The following SHH variants were observed in gnomAD, a reference collection of about 807,000 sequenced individuals.
SHH encodes sonic hedgehog signaling molecule.
In SHH, 3 loss-of-function variants were observed where a neutral mutation model predicts 16.6. The observed-to-expected ratio is 0.18, with a 90% CI of 0.08 to 0.47. The LOEUF is 0.47. Ranked by LOEUF, SHH falls within the 20% of genes least tolerant of loss-of-function variation. The pLI, the probability that SHH is intolerant of heterozygous loss-of-function variation, is 0.98. For synonymous variants in SHH, 351 were observed against 316.2 expected (o/e 1.11, Z -1.17); for missense variants, 499 against 665.0 (o/e 0.75, Z 2.75).
At chr7:155,805,773 C>T (rs1366139171) in intron 2 of SHH, among the ~76,000 whole-genome samples, 4 of 152,192 alleles carry the variant, frequency 2.6e-5, no homozygotes, top group Admixed American at 6.5e-5. Context: ...GTGGTTGCCC[C>T]TGGGTTTACT....
chr7:155,803,384 C>T lies in SHH; in HGVS notation c.905G>A (p.Arg302Gln), dbSNP rs1302309857. ...GCGCACGCGGCTGGCGAACAGCGCC[C>T]GAGGCCCCAGTGCGCCCCCGGAAGG... ...GPPSGGALGP[R>Q]ALFASRVRPG... The change falls in exon 3 of 3, where the codon CGG becomes CAG. Residue 302 changes from arginine to glutamine, a missense_variant. By Grantham distance (43) the Arg-to-Gln change is conservative (BLOSUM62 1). Coordinates refer to ENST00000297261, the MANE Select transcript of SHH (RefSeq NM_000193.4). 2 of 1,486,196 alleles carry T rather than the reference C, an allele frequency of 1.3e-6. No homozygotes were observed. The highest frequency in any genetic ancestry group is 8.9e-7 in the Non-Finnish European group (1 of 1,128,792). 92.1% of individuals were successfully genotyped at this position (1,486,196 alleles called of 1,614,324 possible). A position where few individuals can be genotyped will look rare whatever the true frequency, so the allele number is the denominator to read the frequency against.
chr7:155,807,378 C>A lies in SHH; in HGVS notation c.301-821G>T, dbSNP rs1029468793. 2.0e-5 allele frequency: 3 copies of A among 151,602 alleles called. No homozygotes were observed. Among genetic ancestry groups the A allele is most frequent in the Non-Finnish European group, 2.9e-5 (2 of 68,100 alleles). The allele number at this position is 151,602 out of a possible 1,614,324, so 9.4% of individuals were successfully genotyped here. On this transcript the variant is annotated intron_variant, in intron 1 of 2. Coordinates refer to ENST00000297261, the MANE Select transcript of SHH (RefSeq NM_000193.4). This position sits in a 1 kb window ranked among gnomAD's most constrained non-coding sequence, Gnocchi z 7.1. ...TGTTCCCTTCCTCCGCTCTTGTGTT[C>A]TTGGCCCCAGCATAGAATGGCGTCC...
rs371175675 is a variant in SHH at position 155,804,564 on chromosome 7, C to A, written c.563-838G>T. ...CTATTTGCTCAGGTGCAACCCCCCCCCACCCCGTGTGCAATTCACAAGCAC... is the reference window on the plus strand; with the variant it reads ...CTATTTGCTCAGGTGCAACCCCCCCACACCCCGTGTGCAATTCACAAGCAC... On this transcript the variant is annotated intron_variant, in intron 2 of 2. Transcript: ENST00000297261. Among the ~76,000 whole-genome samples, 77 of 151,896 alleles carry A rather than the reference C, an allele frequency of 5.1e-4. 1 individual carries two copies. The East Asian group carries it at 0.014, about 28-fold the overall frequency.
chr7:155,806,168 G>T, intron 2 of SHH, 128 bp downstream of exon 2: 1 of 1,184,218 alleles, frequency 8.4e-7, no homozygotes. Flanking sequence ...CCGCGGAAAC[G>T]CAGTCATCGC....
rs111407140 is a variant in SHH, at chr7:155,804,556, AC to A, written c.563-831del. ...CCCCCTCCCTATTTGCTCAGGTGCAACCCCCCCCCACCCCGTGTGCAATTCA... is the reference window on the plus strand; with the variant it reads ...CCCCCTCCCTATTTGCTCAGGTGCAACCCCCCCCACCCCGTGTGCAATTCA... On this transcript the variant is annotated intron_variant, in intron 2 of 2. Transcript: ENST00000297261. Among the ~76,000 whole-genome samples the A allele has an allele frequency of 2.0e-3, 262 of 130,906 alleles. 3 individuals are homozygous for A. The highest frequency in any genetic ancestry group is 7.3e-3 in the South Asian group (28 of 3,856). 85.9% of individuals were successfully genotyped at this position (130,906 alleles called of 152,430 possible).
At position 155,807,523 on chromosome 7, in the gene SHH, G is replaced by T. The variant is rs901775546; in HGVS notation, c.301-966C>A. ...CTCCGCCTGGGGAGTTTCCCAGGAA[G>T]TTGCCTGGGAGGAGGCAGGAAACAC... On this transcript the variant is annotated intron_variant, in intron 1 of 2. Transcript: ENST00000297261. This position sits in a 1 kb window ranked among gnomAD's most constrained non-coding sequence, Gnocchi z 7.1. 6.6e-6 allele frequency among the ~76,000 whole-genome samples: 1 copy of T among 152,212 alleles called. No homozygotes were observed. The highest frequency in any genetic ancestry group is 2.4e-5 in the African/African-American group (1 of 41,444).
At chr7:155,811,003 A>G (rs767069944) in intron 1 of SHH, among the ~76,000 whole-genome samples, 47 of 152,212 alleles carry the variant, frequency 3.1e-4, no homozygotes, top group Non-Finnish European at 6.0e-4. Context: ...CTCCCCCCAC[A>G]CTAATATTTA....
rs2117141476 is a variant in SHH at position 155,807,638 on chromosome 7, CAGAA to C, written c.301-1085_301-1082del. ...GGGTCACCCTCAGATAAGGATGCGA[CAGAA>C]AGCAGTTGAATCCACTGTGTGTGTT... On this transcript the variant is annotated intron_variant, in intron 1 of 2. Transcript: ENST00000297261. The surrounding 1 kb of genome is among the most constrained non-coding windows in gnomAD (Gnocchi z 7.1). 6.6e-6 allele frequency among the ~76,000 whole-genome samples: 1 copy of C among 152,264 alleles called. No individual in the cohort carries two copies. Among genetic ancestry groups the C allele is most frequent in the Admixed American group, 6.5e-5 (1 of 15,298 alleles).
At position 155,806,577 on chromosome 7, in the gene SHH, C is replaced by A. The variant is rs746433943; in HGVS notation, c.301-20G>T. The A allele has an allele frequency of 1.1e-5, 18 of 1,610,182 alleles. No individual in the cohort carries two copies. The African/African-American group carries it at 2.0e-4, about 18-fold the overall frequency. On this transcript the variant is annotated intron_variant, in intron 1 of 2. Coordinates refer to ENST00000297261, the MANE Select transcript of SHH (RefSeq NM_000193.4). ...ACACCTCTGCGAAGACAAGGGGACC[C>A]CCACCGACGGACACGTTAGCCTGGG... is the stretch of plus-strand genomic sequence containing the variant.
At position 155,803,167 on chromosome 7, in the gene SHH, G is replaced by C; in HGVS notation, c.1122C>G (p.His374Gln). The C allele has an allele frequency of 6.9e-7, 1 of 1,450,126 alleles. No homozygotes were observed. The highest frequency in any genetic ancestry group is 2.5e-5 in the Admixed American group (1 of 40,404). 89.8% of individuals were successfully genotyped at this position (1,450,126 alleles called of 1,614,324 possible). Residue 374 changes from histidine to glutamine, a missense_variant, in exon 3 of 3, where the codon CAC (histidine) becomes CAG (glutamine). Coordinates refer to ENST00000297261, the MANE Select transcript of SHH (RefSeq NM_000193.4). Reference sequence around the variant, plus strand: ...CCAGGCGGAAGGGCGCGAAGGCCCGGTGCGCCCAGCTGTGCTCCTCGATGA... The same window carrying C: ...CCAGGCGGAAGGGCGCGAAGGCCCGCTGCGCCCAGCTGTGCTCCTCGATGA... ...YAVIEEHSWA[H>Q]RAFAPFRLAH...
In SHH at chr7:155,803,364, C is replaced by T; in HGVS notation, c.925G>A (p.Val309Met). 1 of 1,447,684 alleles carries T rather than the reference C, an allele frequency of 6.9e-7. No homozygotes were observed. The highest frequency in any genetic ancestry group is 9.0e-7 in the Non-Finnish European group (1 of 1,112,780). 89.7% of individuals were successfully genotyped at this position (1,447,684 alleles called of 1,614,324 possible). Residue 309 changes from valine to methionine, a missense_variant, in exon 3 of 3, where the codon GTG becomes ATG. This residue lies in a region of SHH where 299 missense variants were observed against 301.1 expected (regional missense o/e 0.99). Coordinates refer to ENST00000297261, the MANE Select transcript of SHH (RefSeq NM_000193.4). ...ACGTACACGCGCTGGCCCGGGCGCACGCGGCTGGCGAACAGCGCCCGAGGC... is the reference window on the plus strand; with the variant it reads ...ACGTACACGCGCTGGCCCGGGCGCATGCGGCTGGCGAACAGCGCCCGAGGC... ...LGPRALFASRVRPGQRVYVVA... is the reference protein window; with the variant it reads ...LGPRALFASRMRPGQRVYVVA...
rs587778813 is a variant in SHH, at chr7:155,803,464, C to T, written c.825G>A (p.Ala275=). 7.1e-5 allele frequency: 111 copies of T among 1,553,420 alleles called. No homozygotes were observed. Among genetic ancestry groups the T allele is most frequent in the Non-Finnish European group, 9.3e-5 (107 of 1,154,172 alleles). The part of the protein sequence containing the change: ...LLTAAHLLFV[A]PHNDSATGEP... ...CCCCGGTGGCCGAGTCGTTGTGCGG[C>T]GCCACAAAGAGCAGGTGCGCGGCGG... The change falls in exon 3 of 3, where the codon GCG becomes GCA. Residue 275 remains alanine, a synonymous_variant. Transcript: ENST00000297261.
In SHH at chr7:155,812,033, G is replaced by A. The variant is rs754272598; in HGVS notation, c.90C>T (p.Phe30=). 1.2e-6 allele frequency: 2 copies of A among 1,613,924 alleles called. No homozygotes were observed. Among genetic ancestry groups the A allele is most frequent in the African/African-American group, 2.7e-5 (2 of 74,888 alleles). Residue 30 remains phenylalanine (F), a synonymous_variant, in exon 1 of 3, where the codon TTC becomes TTT. Coordinates refer to ENST00000297261, the MANE Select transcript of SHH (RefSeq NM_000193.4). ...SGLACGPGRG[F]GKRRHPKKLT... is the part of the protein sequence containing the mutation. ...GCTTTTTGGGGTGCCTCCTCTTCCC[G>A]AACCCCCTGCCCGGTCCGCACGCCA... is the stretch of plus-strand genomic sequence containing the variant.
rs1175883848 is a variant in SHH, at chr7:155,806,408, C to G, written c.450G>C (p.Thr150=). Residue 150 remains threonine (T), a synonymous_variant, in exon 2 of 3, where the codon ACG becomes ACC. Coordinates refer to ENST00000297261, the MANE Select transcript of SHH (RefSeq NM_000193.4). ...CGTACTTGCTGCGGTCGCGGTCAGA[C>G]GTGGTGATGTCCACTGCGCGGCCCT... ...HYEGRAVDIT[T]SDRDRSKYGM... The G allele has an allele frequency of 5.6e-6, 9 of 1,613,646 alleles. No individual in the cohort carries two copies. Among genetic ancestry groups the G allele is most frequent in the Non-Finnish European group, 5.1e-6 (6 of 1,180,052 alleles).
chr7:155,811,819 C>CT lies in SHH; in HGVS notation c.300+3dup, dbSNP rs1471165691. 1 of 1,614,180 alleles carries CT rather than the reference C, an allele frequency of 6.2e-7. No individual in the cohort carries two copies. Among genetic ancestry groups the CT allele is most frequent in the African/African-American group, 1.3e-5 (1 of 75,054 alleles). ...CATTCCACGCCCCGGCGCTGGGTTC[C>CT]TACCTGAGTCATCAGCCTGTCCGCT... On this transcript the variant is annotated splice_donor_region_variant and intron_variant, in intron 1 of 2. Coordinates refer to ENST00000297261, the MANE Select transcript of SHH (RefSeq NM_000193.4).
chr7:155,810,169 G>A (rs1248095866), intron 1 of SHH, among the ~76,000 whole-genome samples: 1 of 152,216 alleles, frequency 6.6e-6, no homozygotes, highest in Non-Finnish European at 1.5e-5. Flanking sequence ...GCCTCGCTGC[G>A]CGGCTCTGTG....
In SHH at chr7:155,803,015, CCCG is replaced by C; in HGVS notation, c.1271_1273del (p.Pro424_Gly425delinsArg). 1.3e-6 allele frequency: 2 copies of C among 1,555,036 alleles called. No individual in the cohort carries two copies. Among genetic ancestry groups the C allele is most frequent in the South Asian group, 1.2e-5 (1 of 83,354 alleles). On this transcript the variant is annotated inframe_deletion, in exon 3 of 3. Transcript: ENST00000297261. ...GTGGATGCCCGCGGTGGCCCCCGCA[CCCG>C]GAGCGTCGGCAGCACCTGGAGCGGT...
In SHH at chr7:155,812,104, A is replaced by G; in HGVS notation, c.19T>C (p.Cys7Arg). ...GAGGAGACGAGGACTAGCAGCAGACATCTCGCCAGCAGCAGCATCTCGCCC... is the reference window on the plus strand; with the variant it reads ...GAGGAGACGAGGACTAGCAGCAGACGTCTCGCCAGCAGCAGCATCTCGCCC... Reference protein sequence around the residue: MLLLARCLLLVLVSSLL... With the variant: MLLLARRLLLVLVSSLL... Residue 7 changes from cysteine to arginine, a missense_variant, in exon 1 of 3, where the codon TGT becomes CGT. Transcript: ENST00000297261. 1.2e-6 allele frequency: 2 copies of G among 1,614,136 alleles called. No homozygotes were observed. Among genetic ancestry groups the G allele is most frequent in the Non-Finnish European group, 1.7e-6 (2 of 1,180,012 alleles).
rs1170908610 is a variant in SHH at position 155,807,270 on chromosome 7, G to A, written c.301-713C>T. The A allele has an allele frequency of 6.4e-6, 1 of 155,266 alleles. No homozygotes were observed. Among genetic ancestry groups the A allele is most frequent in the Non-Finnish European group, 1.4e-5 (1 of 70,010 alleles). 9.6% of individuals were successfully genotyped at this position (155,266 alleles called of 1,614,324 possible). ...GGCCGGGACAGACATTCTTTATCTG[G>A]ACAGCCACATTCTTTTTGCCCGTCG... On this transcript the variant is annotated intron_variant, in intron 1 of 2. Coordinates refer to ENST00000297261, the MANE Select transcript of SHH (RefSeq NM_000193.4). The surrounding 1 kb of genome is among the most constrained non-coding windows in gnomAD (Gnocchi z 7.1).
Sources: gnomAD v4.1 joint callset for allele counts (sites outside exome capture counted in the v4.1 genomes callset) on GRCh38, gnomAD v4.1.1 for gene constraint, gnomAD v4.1.1 regional missense constraint, Gnocchi (gnomAD v3.1) non-coding constraint, MANE v1.5 for transcripts, NCBI Gene and HGNC (gene_info 2026-07-23, HGNC 2026-07-21) for gene names.